The following HSPA4 variants were observed in gnomAD, a reference collection of about 807,000 sequenced individuals.
HSPA4 encodes heat shock protein family A (Hsp70) member 4.
HSPA4 carries 25 observed loss-of-function variants against 106.2 expected under a neutral mutation model. The observed-to-expected ratio is 0.24, with a 90% CI of 0.17 to 0.33. HSPA4 has a LOEUF of 0.33. Ranked by LOEUF, HSPA4 falls within the 10% of genes least tolerant of loss-of-function variation. The probability of loss-of-function intolerance (pLI) is 1.00; values close to 1 mark genes in which losing one functional copy is unlikely to be tolerated. For synonymous variants in HSPA4, 332 were observed against 333.6 expected, an observed-to-expected ratio of 1.00 and a Z score of 0.05; for missense variants, 841 against 996.0, an observed-to-expected ratio of 0.84 and a Z score of 2.10.
intron 17 of HSPA4, among the ~76,000 whole-genome samples, chr5:133,103,027 A>G (rs1178709585): frequency 6.7e-6 from 1 of 148,234 alleles, no homozygotes; most frequent in East Asian, 2.0e-4. Context: ...GATTATAGGC[A>G]TTAGCCATCA....
Position 133,099,641 on chromosome 5 carries a change from G to T in HSPA4, c.2026G>T (p.Ala676Ser). Reference sequence around the variant, plus strand: ...AAAGCAAGTTTATGTTGATAAGTTGGCTGAATTAAAAGTAAGTGACTCTTG... The same window carrying T: ...AAAGCAAGTTTATGTTGATAAGTTGTCTGAATTAAAAGTAAGTGACTCTTG... The part of the protein sequence containing the change: ...QPKQVYVDKL[A>S]ELKNLGQPIK... The change falls in exon 16 of 19, where the codon GCT becomes TCT. Residue 676 changes from alanine (A) to serine (S), a missense_variant. By Grantham distance (99) the Ala-to-Ser change is moderately conservative. This residue lies in a region of HSPA4 where 328 missense variants were observed against 372.2 expected (regional missense o/e 0.88). Transcript: ENST00000304858. 1.9e-6 allele frequency: 3 copies of T among 1,586,252 alleles called. No homozygotes were observed. Among genetic ancestry groups the T allele is most frequent in the Non-Finnish European group, 2.6e-6 (3 of 1,156,958 alleles).
intron 15 of HSPA4, among the ~76,000 whole-genome samples, chr5:133,097,796 G>A (rs1016109902): frequency 6.6e-6 from 1 of 151,736 alleles, no homozygotes; most frequent in Admixed American, 6.6e-5. Context: ...TGATCCGCCC[G>A]CCTTGGCCTC....
At chr5:133,067,624 T>A in intron 3 of HSPA4, 67 bp downstream of exon 3, 1 of 1,269,698 alleles carries the variant, frequency 7.9e-7, no homozygotes. Flanking sequence ...TCAATATCTA[T>A]CTGTACTTTT....
At chr5:133,056,928 C>G (rs1271364588) in intron 1 of HSPA4, among the ~76,000 whole-genome samples, 1 of 152,022 alleles carries the variant, frequency 6.6e-6, no homozygotes, top group East Asian at 1.9e-4. Flanking sequence ...GCCTGGGATT[C>G]AGTAAATACT....
intron 1 of HSPA4, among the ~76,000 whole-genome samples, chr5:133,063,405 C>T (rs1397510443): frequency 6.6e-6 from 1 of 152,078 alleles, no homozygotes; most frequent in Non-Finnish European, 1.5e-5. Context: ...AGGCTTGAGC[C>T]ACTGCGCCCA....
At position 133,101,840 on chromosome 5, in the gene HSPA4, C is replaced by A; in HGVS notation, c.2119C>A (p.Gln707Lys). 1 of 1,595,160 alleles carries A rather than the reference C, an allele frequency of 6.3e-7. No homozygotes were observed. Among genetic ancestry groups the A allele is most frequent in the South Asian group, 1.1e-5 (1 of 89,224 alleles). ...ATTTGAAGAACTAGGGAAACAGATC[C>A]AACAGTATATGAAAATAATCAGCTC... ...KLFEELGKQIQQYMKIISSFK... is the reference protein window; with the variant it reads ...KLFEELGKQIKQYMKIISSFK... Residue 707 changes from glutamine (Q) to lysine (K), a missense_variant, in exon 17 of 19, where the codon CAA becomes AAA. Physicochemically the swap from Gln to Lys is moderately conservative, Grantham distance 53. Transcript: ENST00000304858.
rs539777419 is a variant in HSPA4, at chr5:133,086,678, C to T, written c.909-104C>T. The T allele has an allele frequency of 3.6e-4, 274 of 760,448 alleles. 1 individual carries two copies. The highest frequency in any genetic ancestry group is 3.4e-4 in the Non-Finnish European group (149 of 442,846). 47.1% of individuals were successfully genotyped at this position (760,448 alleles called of 1,614,324 possible). A position where few individuals can be genotyped will look rare whatever the true frequency, so the allele number is the denominator to read the frequency against. On this transcript the variant is annotated intron_variant, in intron 7 of 18. Coordinates refer to ENST00000304858, the MANE Select transcript of HSPA4 (RefSeq NM_002154.4). ...AAGGATCCACTGTCTCCACATTTTGCCAGCACTTGTTGTTACCTGTTTTTT... is the reference window on the plus strand; with the variant it reads ...AAGGATCCACTGTCTCCACATTTTGTCAGCACTTGTTGTTACCTGTTTTTT...
At chr5:133,076,618 G>T in intron 6 of HSPA4, 36 bp from the exon 7 acceptor site, 4 of 1,588,092 alleles carry the variant, frequency 2.5e-6, no homozygotes. Flanking sequence ...AAATCGATTG[G>T]TTAATTGTTA....
At chr5:133,054,082 C>T (rs185645623) in intron 1 of HSPA4, among the ~76,000 whole-genome samples, 6 of 152,202 alleles carry the variant, frequency 3.9e-5, no homozygotes, top group African/African-American at 1.4e-4. Context: ...GTCAAATTTC[C>T]GCACCCCCCA....
Position 133,091,207 on chromosome 5 carries a change from C to A in HSPA4, c.1393C>A (p.Gln465Lys). The A allele has an allele frequency of 1.9e-6, 3 of 1,613,772 alleles. No individual in the cohort carries two copies. Among genetic ancestry groups the A allele is most frequent in the African/African-American group, 1.3e-5 (1 of 74,982 alleles). Reference sequence around the variant, plus strand: ...TATGTCCCTAGCTCAGTTTTCAGTTCAGAAAGTCACTCCTCAGTCTGATGG... The same window carrying A: ...TATGTCCCTAGCTCAGTTTTCAGTTAAGAAAGTCACTCCTCAGTCTGATGG... ...PDPAIAQFSVQKVTPQSDGSS... is the reference protein window; with the variant it reads ...PDPAIAQFSVKKVTPQSDGSS... Residue 465 changes from glutamine (Q) to lysine (K), a missense_variant, in exon 12 of 19, where the codon CAG becomes AAG. Gln to Lys is a moderately conservative substitution (Grantham distance 53). Coordinates refer to ENST00000304858, the MANE Select transcript of HSPA4 (RefSeq NM_002154.4).
rs1463858512 is a variant in HSPA4, at chr5:133,092,654, T to G, written c.1561-46T>G. ...GACTTTGTCAATGTGTAATGAAGGT[T>G]GTTTAGTCTTCCTAATTGCAGGATT... On this transcript the variant is annotated intron_variant, in intron 12 of 18. Transcript: ENST00000304858. The G allele has an allele frequency of 3.3e-6, 4 of 1,206,268 alleles. No individual in the cohort carries two copies. The South Asian group carries it at 3.7e-5, about 11-fold the overall frequency. 74.7% of individuals were successfully genotyped at this position (1,206,268 alleles called of 1,614,324 possible).
At chr5:133,057,311 T>G (rs1765177651) in intron 1 of HSPA4, among the ~76,000 whole-genome samples, 1 of 152,158 alleles carries the variant, frequency 6.6e-6, no homozygotes, top group African/African-American at 2.4e-5. Flanking sequence ...TTGAAGAAAG[T>G]GAATTAGAGC....
intron 1 of HSPA4, among the ~76,000 whole-genome samples, chr5:133,062,279 G>T (rs1561576399): frequency 6.6e-6 from 1 of 152,194 alleles, no homozygotes; most frequent in Non-Finnish European, 1.5e-5. Flanking sequence ...TTGCAGGAAA[G>T]TTGGGGATTG....
intron 7 of HSPA4, among the ~76,000 whole-genome samples, chr5:133,080,330 A>G (rs1317146926): frequency 6.9e-6 from 1 of 145,934 alleles, no homozygotes; most frequent in Non-Finnish European, 1.5e-5. Context: ...TGGGAGGATC[A>G]CCTGAGCTTA....
Position 133,088,502 on chromosome 5 carries a change from C to CTTA in HSPA4, c.1085_1087dup (p.Leu362_Ser363insIle). 1.2e-6 allele frequency: 2 copies of CTTA among 1,613,900 alleles called. No homozygotes were observed. The highest frequency in any genetic ancestry group is 1.7e-6 in the Non-Finnish European group (2 of 1,179,792). On this transcript the variant is annotated inframe_insertion, in exon 9 of 19. Transcript: ENST00000304858. The stretch of plus-strand genomic sequence containing the variant: ...GATCAGCAAATTTTTCGGTAAAGAA[C>CTTA]TTAGTACAACATTAAATGCTGATGA...
chr5:133,076,582 C>T, intron 6 of HSPA4, 72 bp from the exon 7 acceptor site: 1 of 1,330,314 alleles, frequency 7.5e-7, no homozygotes, highest in South Asian at 1.4e-5. Context: ...AACAACTTAC[C>T]AGGTAAATAT....
At chr5:133,080,896 GT>G (rs1363209808) in intron 7 of HSPA4, among the ~76,000 whole-genome samples, 2 of 152,058 alleles carry the variant, frequency 1.3e-5, no homozygotes, top group African/African-American at 4.8e-5. Context: ...ATTTTAAAGT[GT>G]ACAATTCCAG....
At chr5:133,070,285 A>T in intron 3 of HSPA4, 89 bp from the exon 4 acceptor site, 1 of 1,312,636 alleles carries the variant, frequency 7.6e-7, no homozygotes. Flanking sequence ...TGCATTGATA[A>T]TGGGAAGCAT....
intron 17 of HSPA4, among the ~76,000 whole-genome samples, chr5:133,102,440 T>C (rs1045708731): frequency 6.6e-6 from 1 of 152,200 alleles, no homozygotes; most frequent in African/African-American, 2.4e-5. Flanking sequence ...GTGTTTGACT[T>C]AACATGCACT....
Sources: gnomAD v4.1 joint callset for allele counts (sites outside exome capture counted in the v4.1 genomes callset) on GRCh38, gnomAD v4.1.1 for gene constraint, gnomAD v4.1.1 regional missense constraint, MANE v1.5 for transcripts, NCBI Gene and HGNC (gene_info 2026-07-23, HGNC 2026-07-21) for gene names.